Variants in GRID1 observed in about 807,000 individuals in gnomAD.
The protein encoded by GRID1 is glutamate ionotropic receptor delta type subunit 1.
In GRID1, 28 loss-of-function variants were observed where a neutral mutation model predicts 98.0. That is an observed-to-expected ratio of 0.29 (90% CI 0.21 to 0.39). GRID1 has a LOEUF of 0.39. Among genes scored for constraint, GRID1 ranks in the 10% least tolerant of loss-of-function variants. GRID1 has a pLI of 1.00. For synonymous variants in GRID1, 553 were observed against 538.5 expected (o/e 1.03, Z -0.37); for missense variants, 1,111 against 1,340.5 (o/e 0.83, Z 2.67).
At chr10:86,128,616 G>A (rs551317855) in intron 4 of GRID1, among the ~76,000 whole-genome samples, 1 of 152,104 alleles carries the variant, frequency 6.6e-6, no homozygotes. Flanking sequence ...GCATACACAC[G>A]CCTGGTAACG....
chr10:85,795,404 GC>G (rs1842517837), intron 8 of GRID1, among the ~76,000 whole-genome samples: 1 of 152,176 alleles, frequency 6.6e-6, no homozygotes, highest in Non-Finnish European at 1.5e-5. Flanking sequence ...ACCTCAGAGA[GC>G]TTCATCTAGT....
intron 2 of GRID1, among the ~76,000 whole-genome samples, chr10:86,267,222 C>G (rs1182280324): frequency 6.6e-6 from 1 of 152,254 alleles, no homozygotes; most frequent in Non-Finnish European, 1.5e-5. Context: ...TTTGAGGAAA[C>G]AGGCTTCAAA....
chr10:85,657,976 T>C (rs1236885868), intron 12 of GRID1, among the ~76,000 whole-genome samples: 1 of 152,180 alleles, frequency 6.6e-6, no homozygotes, highest in Non-Finnish European at 1.5e-5. Context: ...CCGCAAATAT[T>C]TGCTGCCACA....
chr10:85,900,341 T>C (rs898744942), intron 5 of GRID1, among the ~76,000 whole-genome samples: 3 of 152,148 alleles, frequency 2.0e-5, no homozygotes, highest in Non-Finnish European at 2.9e-5. Context: ...GCACAGATAA[T>C]AGGGCCTTTC....
intron 5 of GRID1, among the ~76,000 whole-genome samples, chr10:85,902,815 C>T (rs1009624321): frequency 6.6e-6 from 1 of 152,144 alleles, no homozygotes; most frequent in Non-Finnish European, 1.5e-5. Context: ...TTCTAGGTCA[C>T]GCACCCTCCT....
chr10:85,676,979 G>T (rs1841152318), intron 12 of GRID1, among the ~76,000 whole-genome samples: 2 of 152,120 alleles, frequency 1.3e-5, no homozygotes, highest in African/African-American at 4.8e-5. Context: ...GAGAAAACCT[G>T]ACCCTACAGT....
intron 4 of GRID1, among the ~76,000 whole-genome samples, chr10:85,992,616 G>C (rs948716397): frequency 8.9e-6 from 1 of 112,834 alleles, no homozygotes; most frequent in Admixed American, 8.3e-5. Flanking sequence ...GAGGAGAGGT[G>C]GGGGGGGAAC....
chr10:85,925,698 T>G (rs1043598121), intron 4 of GRID1, among the ~76,000 whole-genome samples: 1 of 152,236 alleles, frequency 6.6e-6, no homozygotes, highest in Non-Finnish European at 1.5e-5. Flanking sequence ...AAGGAGGGTG[T>G]GGAGCCATTT....
At chr10:85,643,630 T>A (rs1843150181) in intron 13 of GRID1, among the ~76,000 whole-genome samples, 1 of 152,138 alleles carries the variant, frequency 6.6e-6, no homozygotes, top group Non-Finnish European at 1.5e-5. Context: ...CTAAAAAAAA[T>A]GCAGCACACT....
At chr10:85,737,833 C>A (rs1412013605) in intron 8 of GRID1, among the ~76,000 whole-genome samples, 1 of 151,284 alleles carries the variant, frequency 6.6e-6, no homozygotes, top group African/African-American at 2.4e-5. Context: ...TGCAAAACCA[C>A]CCTTTGAACT....
At chr10:85,903,579 A>G (rs1275730324) in intron 5 of GRID1, among the ~76,000 whole-genome samples, 2 of 152,186 alleles carry the variant, frequency 1.3e-5, no homozygotes, top group Admixed American at 6.5e-5. Flanking sequence ...AAAAATATAT[A>G]TATATATTGC....
At chr10:85,656,687 G>C (rs1248479085) in intron 12 of GRID1, among the ~76,000 whole-genome samples, 1 of 152,090 alleles carries the variant, frequency 6.6e-6, no homozygotes, top group Non-Finnish European at 1.5e-5. Context: ...AATCACTACT[G>C]ACCCTTCTCT....
chr10:86,349,055 G>C (rs548765843), intron 2 of GRID1, among the ~76,000 whole-genome samples: 75 of 152,364 alleles, frequency 4.9e-4, no homozygotes, highest in Admixed American at 1.2e-3. Context: ...ATGGTCAGCA[G>C]CTCCTGGAGT....
At chr10:86,031,627 C>T (rs185470246) in intron 4 of GRID1, among the ~76,000 whole-genome samples, 5 of 151,952 alleles carry the variant, frequency 3.3e-5, no homozygotes, top group African/African-American at 1.2e-4. Flanking sequence ...CCACCTCTGC[C>T]CCCCCTCATC....
Position 86,031,411 on chromosome 10 carries a change from G to C in GRID1, c.726+107408C>G, listed in dbSNP as rs534609378. Reference sequence around the variant, plus strand: ...CAATAAACACTGTGGACTTCAAAAGGGGGGGCAGGAGGAGGGTCAAGGGTT... The same window carrying C: ...CAATAAACACTGTGGACTTCAAAAGCGGGGGCAGGAGGAGGGTCAAGGGTT... On this transcript the variant is annotated intron_variant, in intron 4 of 15. Transcript: ENST00000327946. 2.9e-4 allele frequency among the ~76,000 whole-genome samples: 44 copies of C among 152,200 alleles called. No individual in the cohort carries two copies. In the South Asian group the frequency reaches 6.9e-3, roughly 24 times the overall value.
At chr10:86,364,869 TC>T (rs1848652428) in intron 1 of GRID1, among the ~76,000 whole-genome samples, 2 of 152,192 alleles carry the variant, frequency 1.3e-5, no homozygotes, top group Admixed American at 1.3e-4. Context: ...GGACAGCTCC[TC>T]CAGGGCGCCC....
chr10:85,958,779 G>A (rs930503180), intron 4 of GRID1, among the ~76,000 whole-genome samples: 4 of 151,854 alleles, frequency 2.6e-5, no homozygotes, highest in African/African-American at 9.7e-5. Context: ...CCAACATGGA[G>A]AAACCCCATC....
intron 8 of GRID1, among the ~76,000 whole-genome samples, chr10:85,778,550 C>G (rs1842353224): frequency 6.6e-6 from 1 of 152,196 alleles, no homozygotes; most frequent in Admixed American, 6.5e-5. Context: ...GGAAAACTCA[C>G]TTTCTAGTGC....
chr10:86,136,059 A>G (rs1844919742), intron 4 of GRID1, among the ~76,000 whole-genome samples: 1 of 152,162 alleles, frequency 6.6e-6, no homozygotes, highest in Non-Finnish European at 1.5e-5. Flanking sequence ...AATTCAGGAC[A>G]TGTTCTGGCA....
Sources: allele counts gnomAD v4.1 joint callset (sites outside exome capture counted in the v4.1 genomes callset), GRCh38; gene constraint gnomAD v4.1.1; transcripts MANE v1.5; gene names NCBI Gene and HGNC (gene_info 2026-07-23, HGNC 2026-07-21).